BRAF: variants seen among roughly 807,000 people sequenced by gnomAD.
The protein encoded by BRAF is serine/threonine-protein kinase B-raf.
Under a neutral mutation model 104.6 loss-of-function variants are expected in BRAF, and 16 were observed. The ratio of observed to expected loss-of-function variants is 0.15; its 90% CI spans 0.10 to 0.23. The LOEUF is 0.23. BRAF is among the 10% of genes least tolerant of loss of function. The pLI is 1.00. For synonymous variants in BRAF, 310 were observed against 341.6 expected, an observed-to-expected ratio of 0.91 and a Z score of 1.02; for missense variants, 541 against 937.3, an observed-to-expected ratio of 0.58 and a Z score of 5.52.
intron 7 of BRAF, among the ~76,000 whole-genome samples, chr7:140,797,361 A>T (rs116384586): frequency 3.9e-4 from 60 of 152,296 alleles, no homozygotes; most frequent in African/African-American, 1.3e-3. Context: ...TGTATTCAAA[A>T]CTGGGCAATG....
chr7:140,820,489 T>C (rs73736208), intron 3 of BRAF, among the ~76,000 whole-genome samples: 226 of 152,246 alleles, frequency 1.5e-3, no homozygotes, highest in Middle Eastern at 6.8e-3. Flanking sequence ...TGAATAAATA[T>C]ATAATCACCC....
At chr7:140,741,579 G>GA (rs1486343020) in intron 17 of BRAF, 12 of 152,152 alleles carry the variant, frequency 7.9e-5, no homozygotes, top group African/African-American at 2.9e-4. Flanking sequence ...TAATCTTTTT[G>GA]TGATATGTAT....
chr7:140,861,668 T>G (rs1039102925), intron 1 of BRAF, among the ~76,000 whole-genome samples: 5 of 152,234 alleles, frequency 3.3e-5, no homozygotes, highest in Non-Finnish European at 7.3e-5. Context: ...TAATGGTTAC[T>G]TCTGAAAAGG....
chr7:140,868,306 A>T (rs934439112), intron 1 of BRAF, among the ~76,000 whole-genome samples: 2 of 152,248 alleles, frequency 1.3e-5, no homozygotes, highest in African/African-American at 4.8e-5. Context: ...CATTATTCAC[A>T]ATAGCCAAAA....
rs62487918 is a variant in BRAF at position 140,777,136 on chromosome 7, G to A, written c.1638-48C>T. 111,961 of 1,592,052 alleles carry A rather than the reference G, an allele frequency of 0.07. 4,469 individuals carry two copies. The highest frequency in any genetic ancestry group is 0.12 in the Middle Eastern group (736 of 5,954). On this transcript the variant is annotated intron_variant, in intron 13 of 19. Transcript: ENST00000644969. ...AAACATTAAATGTCGACAAACTTTA[G>A]CAATTCTTACAAAAGAGAACCAAAG...
intron 1 of BRAF, among the ~76,000 whole-genome samples, chr7:140,878,468 G>GA (rs1025556269): frequency 6.6e-6 from 1 of 151,988 alleles, no homozygotes; most frequent in African/African-American, 2.4e-5. Flanking sequence ...TCAAGAAAGT[G>GA]AAAAAAACCT....
chr7:140,808,068 A>G lies in BRAF; in HGVS notation c.609-6T>C, dbSNP rs778487115. The G allele has an allele frequency of 2.5e-6, 4 of 1,593,372 alleles. No individual in the cohort carries two copies. In the African/African-American group the frequency reaches 4.0e-5, roughly 16 times the overall value. ...AACCAATTGGTTTCTTCTCTCTGAA[A>G]AATGTAGACACAAGCCTTTCTTGGT... On this transcript the variant is annotated splice_polypyrimidine_tract_variant and splice_region_variant and intron_variant, in intron 4 of 19. Coordinates refer to ENST00000644969, the MANE Select transcript of BRAF (RefSeq NM_001374258.1).
At chr7:140,726,558 CAAAT>C (rs1585899200) in intron 19 of BRAF, 4 of 1,464,982 alleles carry the variant, frequency 2.7e-6, no homozygotes, top group South Asian at 2.4e-5. Context: ...AAAGTCATCT[CAAAT>C]AACCTAGAGA....
chr7:140,736,037 A>C (rs1453045824), intron 18 of BRAF, among the ~76,000 whole-genome samples: 4 of 151,720 alleles, frequency 2.6e-5, no homozygotes, highest in Non-Finnish European at 5.9e-5. Flanking sequence ...CTCTCCAGGG[A>C]TAACCACTGT....
chr7:140,811,896 A>T (rs1310944380), intron 3 of BRAF, among the ~76,000 whole-genome samples: 1 of 152,122 alleles, frequency 6.6e-6, no homozygotes, highest in Non-Finnish European at 1.5e-5. Context: ...GAACAATGAG[A>T]ACTGGTTGTA....
At position 140,749,457 on chromosome 7, in the gene BRAF, T is replaced by C. The variant is rs1268633266; in HGVS notation, c.1981-39A>G. 5 of 1,606,964 alleles carry C rather than the reference T, an allele frequency of 3.1e-6. No homozygotes were observed. The African/African-American group carries it at 5.4e-5, about 17-fold the overall frequency. On this transcript the variant is annotated intron_variant, in intron 16 of 19. Coordinates refer to ENST00000644969, the MANE Select transcript of BRAF (RefSeq NM_001374258.1). Reference sequence around the variant, plus strand: ...CAAAGAAAAATATTCTTCACTTCAATTGAATAAAGACTGAAAAACAACCTA... The same window carrying C: ...CAAAGAAAAATATTCTTCACTTCAACTGAATAAAGACTGAAAAACAACCTA...
At chr7:140,866,167 T>C (rs1418091822) in intron 1 of BRAF, among the ~76,000 whole-genome samples, 1 of 152,178 alleles carries the variant, frequency 6.6e-6, no homozygotes, top group East Asian at 1.9e-4. Context: ...TGAAGGAAAA[T>C]ATGTGAAACA....
intron 1 of BRAF, among the ~76,000 whole-genome samples, chr7:140,921,716 T>C (rs1053780167): frequency 1.3e-5 from 2 of 152,002 alleles, no homozygotes; most frequent in Admixed American, 6.6e-5. Context: ...GTACTTATAG[T>C]TTTCTAATTT....
intron 1 of BRAF, among the ~76,000 whole-genome samples, chr7:140,894,133 C>A (rs1435549332): frequency 2.7e-5 from 4 of 150,258 alleles, no homozygotes; most frequent in African/African-American, 7.3e-5. Context: ...GACCCTGTCT[C>A]AAAAAAAAGA....
At chr7:140,874,328 G>A (rs1244949252) in intron 1 of BRAF, among the ~76,000 whole-genome samples, 2 of 151,056 alleles carry the variant, frequency 1.3e-5, no homozygotes, top group African/African-American at 4.9e-5. Context: ...CAGCCTCCCG[G>A]GTAGCTGGGA....
intron 1 of BRAF, among the ~76,000 whole-genome samples, chr7:140,855,102 A>T (rs1411539009): frequency 2.0e-5 from 3 of 152,174 alleles, no homozygotes; most frequent in Non-Finnish European, 4.4e-5. Context: ...ATTTTAAAGA[A>T]TGTGTTTGGG....
intron 1 of BRAF, among the ~76,000 whole-genome samples, chr7:140,867,638 T>TG (rs1797322220): frequency 6.6e-6 from 1 of 152,042 alleles, no homozygotes; most frequent in Non-Finnish European, 1.5e-5. Context: ...TGGTAAAACT[T>TG]GAAGGTCTCA....
chr7:140,860,184 T>C (rs541628353), intron 1 of BRAF, among the ~76,000 whole-genome samples: 64 of 152,258 alleles, frequency 4.2e-4, no homozygotes, highest in African/African-American at 1.5e-3. Context: ...AGCATATGGT[T>C]CACATTGGCA....
intron 17 of BRAF, among the ~76,000 whole-genome samples, chr7:140,745,439 G>A (rs1797272388): frequency 6.6e-6 from 1 of 152,178 alleles, no homozygotes; most frequent in African/African-American, 2.4e-5. Flanking sequence ...CTGGGGTGGG[G>A]TGCAGAGGCT....
Sources: gnomAD v4.1 joint callset for allele counts (sites outside exome capture counted in the v4.1 genomes callset) on GRCh38, gnomAD v4.1.1 for gene constraint, MANE v1.5 for transcripts, NCBI Gene and HGNC (gene_info 2026-07-23, HGNC 2026-07-21) for gene names.